Variants in SCOC observed in about 807,000 individuals in gnomAD.
SCOC encodes short coiled coil protein.
A neutral mutation model predicts 9.9 loss-of-function variants in SCOC; 7 were observed. The ratio of observed to expected loss-of-function variants is 0.71; its 90% confidence interval spans 0.40 to 1.33. The LOEUF is 1.33. Among genes scored for constraint, SCOC ranks in the 40% most tolerant of loss-of-function variants. The probability of loss-of-function intolerance (pLI) is 0.01; values close to 1 mark genes in which losing one functional copy is unlikely to be tolerated. For missense variants in SCOC, 66 were observed against 89.7 expected (o/e 0.74, Z 1.07); for synonymous variants, 19 against 28.2 (o/e 0.67, Z 1.03).
intron 2 of SCOC, among the ~76,000 whole-genome samples, chr4:140,344,338 G>A (rs933853641): frequency 7.2e-5 from 11 of 152,120 alleles, no homozygotes; most frequent in Admixed American, 2.6e-4. Context: ...GTGTGTGTGC[G>A]TGTGGTGGTT....
At chr4:140,330,275 T>C (rs1732773347) in intron 1 of SCOC, among the ~76,000 whole-genome samples, 1 of 152,138 alleles carries the variant, frequency 6.6e-6, no homozygotes, top group Non-Finnish European at 1.5e-5. Flanking sequence ...ATATGATATG[T>C]TGGACTTTGC....
At chr4:140,343,848 G>C (rs1726600309) in intron 2 of SCOC, 1 of 519,730 alleles carries the variant, frequency 1.9e-6, no homozygotes, top group South Asian at 5.0e-5. Context: ...TACAAAAACA[G>C]GTTTTAATTA....
At chr4:140,309,525 C>A (rs1416728658) in intron 1 of SCOC, among the ~76,000 whole-genome samples, 1 of 152,180 alleles carries the variant, frequency 6.6e-6, no homozygotes, top group East Asian at 1.9e-4. Context: ...ACCTCCCAGG[C>A]ACATCCTTTT....
intron 1 of SCOC, chr4:140,374,257 T>C (rs1032201889): frequency 2.3e-6 from 1 of 433,158 alleles, no homozygotes; most frequent in African/African-American, 2.0e-5. Context: ...CCCAGAGTCC[T>C]GCTGAACAAG....
chr4:140,281,643 G>A (rs1731098837), intron 1 of SCOC, among the ~76,000 whole-genome samples: 1 of 152,210 alleles, frequency 6.6e-6, no homozygotes, highest in Admixed American at 6.5e-5. Flanking sequence ...GCTGGAAGCA[G>A]GTGCTGGGGA....
intron 1 of SCOC, among the ~76,000 whole-genome samples, chr4:140,286,412 C>T (rs1344559748): frequency 6.6e-6 from 1 of 151,882 alleles, no homozygotes; most frequent in Non-Finnish European, 1.5e-5. Context: ...AGGGTGGTGG[C>T]ATCTGGCTTG....
At chr4:140,261,137 A>C (rs1270670492) in intron 1 of SCOC, among the ~76,000 whole-genome samples, 1 of 152,228 alleles carries the variant, frequency 6.6e-6, no homozygotes, top group Non-Finnish European at 1.5e-5. Context: ...AAACTGTGAT[A>C]ATGGTGGTGA....
chr4:140,344,057 A>T (rs1043559248), intron 2 of SCOC, among the ~76,000 whole-genome samples: 1 of 152,202 alleles, frequency 6.6e-6, no homozygotes, highest in African/African-American at 2.4e-5. Flanking sequence ...TCTATCTTGT[A>T]AAATAATTGT....
intron 1 of SCOC, among the ~76,000 whole-genome samples, chr4:140,270,761 T>G (rs773447554): frequency 1.3e-5 from 2 of 152,148 alleles, no homozygotes; most frequent in Non-Finnish European, 2.9e-5. Context: ...TTGGTTACTA[T>G]CTCTAGGAGT....
Position 140,347,479 on chromosome 4 carries a change from G to A in SCOC, c.70+3771G>A, listed in dbSNP as rs556358686. Among the ~76,000 whole-genome samples the A allele has an allele frequency of 7.2e-5, 11 of 152,222 alleles. No individual in the cohort carries two copies. The South Asian group carries it at 2.1e-3, about 29-fold the overall frequency. ...TCCCCTGGCTTTGATGCCACCGCAC[G>A]GCTCAGGTTCCTCTTCAGCCTCTTT... is the stretch of plus-strand genomic sequence containing the variant. On this transcript the variant is annotated intron_variant, in intron 2 of 4. Transcript: ENST00000338517.
intron 1 of SCOC, among the ~76,000 whole-genome samples, chr4:140,324,929 C>G (rs1732602750): frequency 1.3e-5 from 2 of 151,890 alleles, no homozygotes. Context: ...GATTTCAAGA[C>G]TTATTCAAAA....
chr4:140,297,044 G>C (rs914814162), intron 1 of SCOC, among the ~76,000 whole-genome samples: 2 of 152,146 alleles, frequency 1.3e-5, no homozygotes, highest in Admixed American at 1.3e-4. Context: ...CTCCTCAACA[G>C]AAAGCCCTAA....
intron 1 of SCOC, among the ~76,000 whole-genome samples, chr4:140,300,373 C>T (rs923526711): frequency 8.5e-5 from 13 of 152,210 alleles, no homozygotes; most frequent in African/African-American, 2.4e-4. Context: ...TGCACACTCA[C>T]GGGCAGCCTT....
At chr4:140,378,876 TTATC>T (rs1401841566) in intron 1 of SCOC, among the ~76,000 whole-genome samples, 1 of 152,202 alleles carries the variant, frequency 6.6e-6, no homozygotes, top group Non-Finnish European at 1.5e-5. Flanking sequence ...GTATTGATCA[TTATC>T]TCCTTTAAAA....
intron 2 of SCOC, among the ~76,000 whole-genome samples, chr4:140,357,055 C>T (rs1256041824): frequency 6.6e-6 from 1 of 152,086 alleles, no homozygotes; most frequent in Non-Finnish European, 1.5e-5. Context: ...CTGCAACCTT[C>T]GCCTCCCAGG....
At chr4:140,304,764 T>C (rs1390921594) in intron 1 of SCOC, among the ~76,000 whole-genome samples, 2 of 152,186 alleles carry the variant, frequency 1.3e-5, no homozygotes, top group African/African-American at 4.8e-5. Context: ...GTGTTCCCCA[T>C]GACTAGAAAC....
intron 1 of SCOC, among the ~76,000 whole-genome samples, chr4:140,289,264 C>CA (rs921785119): frequency 6.6e-6 from 1 of 152,198 alleles, no homozygotes; most frequent in African/African-American, 2.4e-5. Context: ...CACAACACCA[C>CA]AAAGCAGCCT....
intron 1 of SCOC, among the ~76,000 whole-genome samples, chr4:140,304,319 G>A (rs1448614085): frequency 6.6e-6 from 1 of 152,104 alleles, no homozygotes; most frequent in Non-Finnish European, 1.5e-5. Context: ...TAGCAGGTAG[G>A]AGGTCGGGGA....
chr4:140,373,919 T>G, intron 1 of SCOC: 1 of 710,062 alleles, frequency 1.4e-6, no homozygotes, highest in Non-Finnish European at 2.5e-6. Flanking sequence ...CCTCTTTTTC[T>G]CCTGTTTTCG....
Sources: allele counts gnomAD v4.1 joint callset (sites outside exome capture counted in the v4.1 genomes callset), GRCh38; gene constraint gnomAD v4.1.1; transcripts MANE v1.5; gene names NCBI Gene and HGNC (gene_info 2026-07-23, HGNC 2026-07-21).